DENND2A: variants seen among roughly 807,000 people sequenced by gnomAD.
The protein encoded by DENND2A is DENN domain-containing protein 2A.
A neutral mutation model predicts 105.3 loss-of-function variants in DENND2A; 53 were observed. The observed-to-expected ratio is 0.50, with a 90% confidence interval of 0.40 to 0.63. DENND2A has a LOEUF of 0.63. Ranked by LOEUF, DENND2A falls within the 30% of genes least tolerant of loss-of-function variation. The pLI is 0.00. For missense variants in DENND2A, 1,138 were observed against 1,279.6 expected (o/e 0.89, Z 1.69); for synonymous variants, 522 against 508.4 (o/e 1.03, Z -0.36).
rs766405593 is a variant in DENND2A at position 140,601,870 on chromosome 7, C to T, written c.528G>A (p.Gly176=). The T allele has an allele frequency of 1.2e-6, 2 of 1,614,166 alleles. No individual in the cohort carries two copies. Among genetic ancestry groups the T allele is most frequent in the Non-Finnish European group, 1.7e-6 (2 of 1,180,040 alleles). The part of the protein sequence containing the change: ...LEQALKDGSA[G]LDPQLPGTCY... ...AAGTCCCTGGTAACTGGGGATCCAGCCCTGCCGACCCATCCTTCAAAGCCT... is the reference window on the plus strand; with the variant it reads ...AAGTCCCTGGTAACTGGGGATCCAGTCCTGCCGACCCATCCTTCAAAGCCT... Residue 176 remains glycine, a synonymous_variant, in exon 3 of 20, where the codon GGG becomes GGA. Coordinates refer to ENST00000496613, the MANE Select transcript of DENND2A (RefSeq NM_015689.5).
chr7:140,548,865 G>A (rs1178615326), intron 12 of DENND2A, among the ~76,000 whole-genome samples: 1 of 151,618 alleles, frequency 6.6e-6, no homozygotes. Flanking sequence ...CACCCACCTC[G>A]GCTTCCCAGT....
Position 140,620,999 on chromosome 7 carries a change from A to G in DENND2A, c.-247-15193T>C, listed in dbSNP as rs543768411. 8.5e-5 allele frequency among the ~76,000 whole-genome samples: 13 copies of G among 152,304 alleles called. No homozygotes were observed. The South Asian group carries it at 1.5e-3, about 17-fold the overall frequency. On this transcript the variant is annotated intron_variant, in intron 1 of 19. Coordinates refer to ENST00000496613, the MANE Select transcript of DENND2A (RefSeq NM_015689.5). ...CATAAAAATGGCATAGTATTTGGATATAACCTATGTACATCCTCCCATATA... is the reference window on the plus strand; with the variant it reads ...CATAAAAATGGCATAGTATTTGGATGTAACCTATGTACATCCTCCCATATA...
chr7:140,527,424 G>A lies in DENND2A; in HGVS notation c.2399C>T (p.Pro800Leu), dbSNP rs1363298192. 1.9e-6 allele frequency: 3 copies of A among 1,600,174 alleles called. No homozygotes were observed. The highest frequency in any genetic ancestry group is 2.6e-6 in the Non-Finnish European group (3 of 1,175,342). ...GTCGACCATGGCGGGTGGCAGCACC[G>A]GGATGTAGGTGTGCTGCCAGGCGAA... ...YPFAWQHTYI[P>L]VLPPAMVDIV... The change falls in exon 15 of 20, where the codon CCG (proline) becomes CTG (leucine). Residue 800 changes from proline to leucine, a missense_variant. Around this residue, in one of 2 missense-constraint regions of DENND2A, gnomAD observed 627 missense variants for 779.8 expected, o/e 0.80. Coordinates refer to ENST00000496613, the MANE Select transcript of DENND2A (RefSeq NM_015689.5). This position sits in a 1 kb window ranked among gnomAD's most constrained non-coding sequence, Gnocchi z 4.9.
intron 1 of DENND2A, among the ~76,000 whole-genome samples, chr7:140,636,399 G>GAGA (rs1361136522): frequency 6.6e-6 from 1 of 152,148 alleles, no homozygotes; most frequent in Non-Finnish European, 1.5e-5. Flanking sequence ...GACCTCGGGG[G>GAGA]AGAAGCAGCG....
At chr7:140,541,144 T>TA (rs1281919520) in intron 14 of DENND2A, among the ~76,000 whole-genome samples, 2 of 151,808 alleles carry the variant, frequency 1.3e-5, no homozygotes, top group African/African-American at 4.9e-5. Context: ...TCCCTGCACT[T>TA]AATGTTTTTA....
At chr7:140,577,036 T>C (rs551641311) in intron 5 of DENND2A, among the ~76,000 whole-genome samples, 13 of 152,298 alleles carry the variant, frequency 8.5e-5, no homozygotes, top group Middle Eastern at 6.8e-3. Context: ...TTCTGAAGAA[T>C]GTGTGGGCTG....
rs116183450 is a variant in DENND2A at position 140,640,348 on chromosome 7, G to T, written c.-248+156C>A. Reference sequence around the variant, plus strand: ...TGGATCGCGCTCTGCACAGTCCCGGGACCAGGCGGGAACTCAGACTCCCGT... The same window carrying T: ...TGGATCGCGCTCTGCACAGTCCCGGTACCAGGCGGGAACTCAGACTCCCGT... On this transcript the variant is annotated intron_variant, in intron 1 of 19. Coordinates refer to ENST00000496613, the MANE Select transcript of DENND2A (RefSeq NM_015689.5). This position sits in a 1 kb window ranked among gnomAD's most constrained non-coding sequence, Gnocchi z 4.9. 236 of 152,314 alleles carry T rather than the reference G, an allele frequency of 1.5e-3. 1 individual carries two copies. The highest frequency in any genetic ancestry group is 5.5e-3 in the African/African-American group (230 of 41,566). 9.4% of individuals were successfully genotyped at this position (152,314 alleles called of 1,614,324 possible). A position where few individuals can be genotyped will look rare whatever the true frequency, so the allele number is the denominator to read the frequency against.
chr7:140,624,039 A>G (rs1800406783), intron 1 of DENND2A, among the ~76,000 whole-genome samples: 1 of 152,186 alleles, frequency 6.6e-6, no homozygotes, highest in Admixed American at 6.5e-5. Context: ...AGTGAAAAAC[A>G]TTTACGAGAG....
chr7:140,592,531 G>A (rs1049484326), intron 3 of DENND2A, among the ~76,000 whole-genome samples: 2 of 151,538 alleles, frequency 1.3e-5, no homozygotes, highest in Non-Finnish European at 2.9e-5. Context: ...TTTTAGTAGA[G>A]ACAGGGTTTT....
At chr7:140,596,503 G>C (rs1002584699) in intron 3 of DENND2A, among the ~76,000 whole-genome samples, 3 of 152,180 alleles carry the variant, frequency 2.0e-5, no homozygotes, top group Non-Finnish European at 1.5e-5. Flanking sequence ...CCCAGCCAGA[G>C]AGCTGTGGGG....
intron 12 of DENND2A, among the ~76,000 whole-genome samples, chr7:140,554,041 C>A (rs1239863430): frequency 1.3e-5 from 2 of 151,206 alleles, no homozygotes. Context: ...TCCTGGCCAA[C>A]ATGGTGAAAC....
At chr7:140,639,459 C>T (rs190770237) in intron 1 of DENND2A, among the ~76,000 whole-genome samples, 84 of 152,250 alleles carry the variant, frequency 5.5e-4, no homozygotes, top group Non-Finnish European at 3.7e-4. Context: ...CACACACACA[C>T]TCGCACACTC....
chr7:140,521,876 G>A lies in DENND2A; in HGVS notation c.2890C>T (p.Leu964=). 6.2e-7 allele frequency: 1 copy of A among 1,614,058 alleles called. No homozygotes were observed. Among genetic ancestry groups the A allele is most frequent in the Non-Finnish European group, 8.5e-7 (1 of 1,180,020 alleles). The change falls in exon 18 of 20, where the codon CTG becomes TTG. Residue 964 remains leucine, a synonymous_variant. Transcript: ENST00000496613. The part of the protein sequence containing the change: ...MFRGFIQERE[L]RRQDAKGLFE... The stretch of plus-strand genomic sequence containing the variant: ...TCACCTTTGGCATCCTGCCGGCGCA[G>A]CTCCCGCTCCTGGATGAAGCCCCGA...
chr7:140,524,885 CTTT>C (rs773550888), intron 16 of DENND2A, among the ~76,000 whole-genome samples: 12 of 133,012 alleles, frequency 9.0e-5, no homozygotes, highest in Admixed American at 2.3e-4. Flanking sequence ...GGCAAATATT[CTTT>C]TTTTTTTTTT....
At position 140,527,371 on chromosome 7, in the gene DENND2A, T is replaced by A; in HGVS notation, c.2452A>T (p.Ile818Phe). The change falls in exon 15 of 20, where the codon ATC (isoleucine) becomes TTC (phenylalanine). Residue 818 changes from isoleucine to phenylalanine, a missense_variant. Physicochemically the swap from Ile to Phe is conservative, Grantham distance 21. Transcript: ENST00000496613. The surrounding 1 kb of genome is among the most constrained non-coding windows in gnomAD (Gnocchi z 4.9). The stretch of plus-strand genomic sequence containing the variant: ...GGCAGCGAGCTGGAGAGCAGCCCGA[T>A]GAGGAAGGGCGTCGGCGAGCACACG... ...DIVCSPTPFLIGLLSSSLPLL... is the reference protein window; with the variant it reads ...DIVCSPTPFLFGLLSSSLPLL... 6.2e-7 allele frequency: 1 copy of A among 1,605,668 alleles called. No homozygotes were observed. The highest frequency in any genetic ancestry group is 8.5e-7 in the Non-Finnish European group (1 of 1,177,470).
At chr7:140,621,996 T>C (rs545273479) in intron 1 of DENND2A, among the ~76,000 whole-genome samples, 1 of 152,318 alleles carries the variant, frequency 6.6e-6, no homozygotes, top group Admixed American at 6.5e-5. Context: ...GATTTCTTTG[T>C]AGGGGTCAAG....
chr7:140,620,114 T>C (rs1360996181), intron 1 of DENND2A, among the ~76,000 whole-genome samples: 1 of 151,718 alleles, frequency 6.6e-6, no homozygotes, highest in African/African-American at 2.4e-5. Flanking sequence ...GAGAATCGCT[T>C]GAACCCAGGA....
At chr7:140,621,203 A>T (rs1681778) in intron 1 of DENND2A, among the ~76,000 whole-genome samples, 72,926 of 149,778 alleles carry the variant, frequency 0.49, 18,611 homozygotes, top group African/African-American at 0.67. Context: ...TAATTAAAAA[A>T]TTTTTTTTTT....
chr7:140,587,911 T>A, intron 3 of DENND2A, 131 bp from the exon 4 acceptor site: 2 of 1,092,480 alleles, frequency 1.8e-6, no homozygotes, highest in Non-Finnish European at 1.2e-6. Flanking sequence ...AATCAACTTT[T>A]ATTTTATTTC....
Sources: gnomAD v4.1 joint callset for allele counts (sites outside exome capture counted in the v4.1 genomes callset) on GRCh38, gnomAD v4.1.1 for gene constraint, gnomAD v4.1.1 regional missense constraint, Gnocchi (gnomAD v3.1) non-coding constraint, MANE v1.5 for transcripts, NCBI Gene and HGNC (gene_info 2026-07-23, HGNC 2026-07-21) for gene names.